Variants in GPC3 observed in about 807,000 individuals in gnomAD.
GPC3 encodes glypican-3.
Under a neutral mutation model 34.4 loss-of-function variants are expected in GPC3, and 3 were observed. The observed-to-expected ratio is 0.09, with a 90% CI of 0.04 to 0.23. GPC3 has a LOEUF of 0.23. Among genes scored for constraint, GPC3 ranks in the 10% least tolerant of loss-of-function variants. The probability of loss-of-function intolerance (pLI) is 1.00; values close to 1 mark genes in which losing one functional copy is unlikely to be tolerated. For synonymous variants in GPC3, 177 were observed against 174.0 expected (o/e 1.02, Z -0.13); for missense variants, 351 against 445.6 (o/e 0.79, Z 1.91).
At chrX:133,849,005 G>A (rs2075859327) in intron 2 of GPC3, among the ~76,000 whole-genome samples, 1 of 104,032 alleles carries the variant, frequency 9.6e-6, no homozygotes, top group Non-Finnish European at 2.0e-5. Flanking sequence ...ACTGATGACA[G>A]AACAAGATAA....
intron 6 of GPC3, among the ~76,000 whole-genome samples, chrX:133,635,337 G>A (rs2070409718): frequency 8.9e-6 from 1 of 111,750 alleles, no homozygotes; most frequent in African/African-American, 3.2e-5. Context: ...AGGCCTGGAG[G>A]TCTCTGGGAC....
chrX:133,831,223 C>A (rs2075773861), intron 2 of GPC3, among the ~76,000 whole-genome samples: 1 of 111,647 alleles, frequency 9.0e-6, no homozygotes, highest in Non-Finnish European at 1.9e-5. Context: ...TAAGATTTAA[C>A]AAAATACATT....
intron 2 of GPC3, among the ~76,000 whole-genome samples, chrX:133,842,282 C>T (rs1280025085): frequency 1.8e-5 from 2 of 108,199 alleles, no homozygotes; most frequent in Admixed American, 1.0e-4. Flanking sequence ...TGTGCCATTG[C>T]ACTCCAGCCT....
intron 3 of GPC3, among the ~76,000 whole-genome samples, chrX:133,713,908 T>C (rs1054941529): frequency 8.9e-6 from 1 of 112,067 alleles, no homozygotes; most frequent in South Asian, 3.7e-4. Context: ...ATGAAGTGTG[T>C]TAATATTTGG....
chrX:133,572,529 AT>A (rs1158645547), intron 7 of GPC3, among the ~76,000 whole-genome samples: 1 of 111,702 alleles, frequency 9.0e-6, no homozygotes, highest in African/African-American at 3.3e-5. Flanking sequence ...AAAGTTTGTT[AT>A]TTGAAAAGAT....
At chrX:133,547,812 C>T (rs940331040) in intron 7 of GPC3, among the ~76,000 whole-genome samples, 4 of 110,586 alleles carry the variant, frequency 3.6e-5, no homozygotes, top group African/African-American at 1.3e-4. Flanking sequence ...AGATGCACAT[C>T]ACCACACCAG....
intron 2 of GPC3, among the ~76,000 whole-genome samples, chrX:133,885,771 G>T (rs2076059340): frequency 8.9e-6 from 1 of 111,951 alleles, no homozygotes; most frequent in Non-Finnish European, 1.9e-5. Flanking sequence ...GATTTGCTGG[G>T]TTTAAATGTT....
chrX:133,655,552 T>C (rs927342613), intron 6 of GPC3, among the ~76,000 whole-genome samples: 18 of 110,112 alleles, frequency 1.6e-4, no homozygotes, highest in African/African-American at 5.3e-4. Flanking sequence ...TGGAAATAAA[T>C]GGCAATTACT....
chrX:133,608,486 G>A (rs1159104748), intron 6 of GPC3, among the ~76,000 whole-genome samples: 1 of 112,158 alleles, frequency 8.9e-6, no homozygotes, highest in East Asian at 2.8e-4. Flanking sequence ...AACTGAGGTT[G>A]CACAGACATG....
intron 6 of GPC3, among the ~76,000 whole-genome samples, chrX:133,625,305 G>T (rs1407307411): frequency 8.9e-6 from 1 of 111,787 alleles, no homozygotes; most frequent in African/African-American, 3.3e-5. Flanking sequence ...AGTGTTAGAA[G>T]TTCTGGCCAG....
intron 3 of GPC3, among the ~76,000 whole-genome samples, chrX:133,752,445 G>T (rs1371936414): frequency 9.0e-6 from 1 of 111,549 alleles, no homozygotes; most frequent in Non-Finnish European, 1.9e-5. Context: ...ACTATGAAAT[G>T]ATATTATGTA....
intron 7 of GPC3, among the ~76,000 whole-genome samples, chrX:133,576,139 C>T (rs2062785664): frequency 8.9e-6 from 1 of 112,329 alleles, no homozygotes; most frequent in African/African-American, 3.2e-5. Flanking sequence ...TCAACAAATA[C>T]TTTTCAGCTA....
At chrX:133,704,406 C>T in intron 3 of GPC3, 1 of 333,528 alleles carries the variant, frequency 3.0e-6, no homozygotes, top group Non-Finnish European at 5.2e-6. Flanking sequence ...GAAATCCATA[C>T]AAATATGTTT....
At chrX:133,739,706 C>A (rs749951232) in intron 3 of GPC3, among the ~76,000 whole-genome samples, 25 of 108,486 alleles carry the variant, frequency 2.3e-4, no homozygotes, top group Non-Finnish European at 4.6e-4. Flanking sequence ...AAAACAAAAA[C>A]AAAACAAAAC....
At chrX:133,905,527 G>A (rs982870543) in intron 2 of GPC3, among the ~76,000 whole-genome samples, 1 of 111,628 alleles carries the variant, frequency 9.0e-6, no homozygotes, top group African/African-American at 3.3e-5. Context: ...CCCATCCCCG[G>A]GAGATCACAC....
chrX:133,935,894 G>A (rs2076321324), intron 2 of GPC3, among the ~76,000 whole-genome samples: 1 of 110,190 alleles, frequency 9.1e-6, no homozygotes, highest in South Asian at 3.9e-4. Flanking sequence ...GACAACTAAG[G>A]CATTATCTTA....
intron 7 of GPC3, among the ~76,000 whole-genome samples, chrX:133,578,948 C>A (rs1252460701): frequency 9.0e-6 from 1 of 110,573 alleles, no homozygotes; most frequent in African/African-American, 3.3e-5. Flanking sequence ...AGGATCAAGA[C>A]CAAGCTCCTT....
chrX:133,898,298 C>T (rs185577823), intron 2 of GPC3, among the ~76,000 whole-genome samples: 6 of 111,770 alleles, frequency 5.4e-5, no homozygotes, highest in East Asian at 2.8e-4. Flanking sequence ...ATCATCAATA[C>T]GTTTATAAGC....
At chrX:133,649,632 G>A (rs1389566420) in intron 6 of GPC3, among the ~76,000 whole-genome samples, 2 of 111,754 alleles carry the variant, frequency 1.8e-5, no homozygotes, top group African/African-American at 6.5e-5. Context: ...AAAGGCGGCA[G>A]CACCACTGGG....
Sources: gnomAD v4.1 joint callset for allele counts (sites outside exome capture counted in the v4.1 genomes callset) on GRCh38, gnomAD v4.1.1 for gene constraint, MANE v1.5 for transcripts, NCBI Gene and HGNC (gene_info 2026-07-23, HGNC 2026-07-21) for gene names.